The following TFDP1 variants were observed in gnomAD, a reference collection of about 807,000 sequenced individuals.
TFDP1 encodes transcription factor Dp-1, also known as DRTF1-polypeptide 1.
In TFDP1, 6 loss-of-function variants were observed where a neutral mutation model predicts 48.0. That is an observed-to-expected ratio of 0.13 (90% CI 0.07 to 0.25). The LOEUF (loss-of-function observed/expected upper bound fraction) is 0.25. TFDP1 is among the 10% of genes least tolerant of loss of function. TFDP1 has a pLI of 1.00. For missense variants in TFDP1, 335 were observed against 543.0 expected (o/e 0.62, Z 3.81); for synonymous variants, 201 against 211.6 (o/e 0.95, Z 0.44).
In TFDP1 at chr13:113,635,967, T is replaced by C. The variant is rs2140636298; in HGVS notation, c.688-10T>C. ...GCCACGGGCCACCTGGCTCCTCTTA[T>C]TTTTTTTAGCAAATTGCCTTCAAGA... On this transcript the variant is annotated splice_polypyrimidine_tract_variant and intron_variant, in intron 8 of 11. Coordinates refer to ENST00000375370, the MANE Select transcript of TFDP1 (RefSeq NM_007111.5). The C allele has an allele frequency of 1.9e-6, 3 of 1,604,408 alleles. No homozygotes were observed. Among genetic ancestry groups the C allele is most frequent in the Non-Finnish European group, 8.5e-7 (1 of 1,174,438 alleles).
Position 113,639,454 on chromosome 13 carries a change from G to C in TFDP1, c.1086-666G>C, listed in dbSNP as rs1410444522. 3.3e-5 allele frequency among the ~76,000 whole-genome samples: 5 copies of C among 152,346 alleles called. No homozygotes were observed. In the East Asian group the frequency reaches 7.7e-4, roughly 23 times the overall value. On this transcript the variant is annotated intron_variant, in intron 11 of 11. Transcript: ENST00000375370. ...GTTAGAATAAAAACTGCAGTGAGCAGCTTTACAGCTGAATTTCTCGCCATT... is the reference window on the plus strand; with the variant it reads ...GTTAGAATAAAAACTGCAGTGAGCACCTTTACAGCTGAATTTCTCGCCATT...
At chr13:113,595,865 A>G (rs4150700) in intron 2 of TFDP1, among the ~76,000 whole-genome samples, 210 of 152,250 alleles carry the variant, frequency 1.4e-3, no homozygotes, top group Non-Finnish European at 2.1e-3. Context: ...GGCGGATCAC[A>G]AGGTCAGGAT....
At position 113,598,620 on chromosome 13, in the gene TFDP1, T is replaced by C. The variant is rs2048339580; in HGVS notation, c.13-12376T>C. 6.6e-6 allele frequency among the ~76,000 whole-genome samples: 1 copy of C among 152,252 alleles called. No individual in the cohort carries two copies. The highest frequency in any genetic ancestry group is 2.4e-5 in the African/African-American group (1 of 41,478). ...TACCTCCTCGCTCTTCAGCTTCCCCTGCCTGATGGCTCCAGGCTGTCCCCT... is the reference window on the plus strand; with the variant it reads ...TACCTCCTCGCTCTTCAGCTTCCCCCGCCTGATGGCTCCAGGCTGTCCCCT... On this transcript the variant is annotated intron_variant, in intron 2 of 11. Coordinates refer to ENST00000375370, the MANE Select transcript of TFDP1 (RefSeq NM_007111.5). The surrounding 1 kb of genome is among the most constrained non-coding windows in gnomAD (Gnocchi z 4.2).
At position 113,640,505 on chromosome 13, in the gene TFDP1, TTG is replaced by T. The variant is rs2049617006; in HGVS notation, c.*242_*243del. The T allele has an allele frequency of 3.6e-6, 2 of 549,226 alleles. No homozygotes were observed. Among genetic ancestry groups the T allele is most frequent in the Non-Finnish European group, 5.6e-6 (2 of 359,544 alleles). The allele number at this position is 549,226 out of a possible 1,614,324, so 34.0% of individuals were successfully genotyped here. On this transcript the variant is annotated 3_prime_UTR_variant, in exon 12 of 12. Transcript: ENST00000375370. ...GAGCGTTTATTTACTTGTTAGGATT[TTG>T]TGTTTTCATTTGCTATTTTTCTTTA...
chr13:113,635,792 T>C (rs1049404740), intron 8 of TFDP1, among the ~76,000 whole-genome samples, 185 bp from the exon 9 acceptor site: 2 of 152,246 alleles, frequency 1.3e-5, no homozygotes, highest in Non-Finnish European at 2.9e-5. Context: ...CAGGATCCCG[T>C]TTCCTGAGCG....
intron 2 of TFDP1, among the ~76,000 whole-genome samples, chr13:113,604,342 A>G (rs2048513601): frequency 6.6e-6 from 1 of 152,148 alleles, no homozygotes; most frequent in African/African-American, 2.4e-5. Flanking sequence ...ATATCAACCC[A>G]TAAGAATGAC....
At position 113,634,005 on chromosome 13, in the gene TFDP1, A is replaced by G. The variant is rs752319853; in HGVS notation, c.590A>G (p.Asn197Ser). ...ATCAAGTGGATTGGTCTGCCCACCA[A>G]CTCGGCTCAGGAATGTCAGAACTTA... ...KEIKWIGLPT[N>S]SAQECQNLEV... is the part of the protein sequence containing the mutation. Residue 197 changes from asparagine (N) to serine (S), a missense_variant, in exon 7 of 12, where the codon AAC becomes AGC. By Grantham distance (46) the Asn-to-Ser change is conservative. Transcript: ENST00000375370. 16 of 1,613,924 alleles carry G rather than the reference A, an allele frequency of 9.9e-6. No homozygotes were observed. Among genetic ancestry groups the G allele is most frequent in the Admixed American group, 3.3e-5 (2 of 59,992 alleles).
chr13:113,634,249 G>A, intron 7 of TFDP1: 2 of 701,164 alleles, frequency 2.9e-6, no homozygotes, highest in Non-Finnish European at 2.5e-6. Context: ...TTAAACTCTA[G>A]TGTAGGTTAA....
chr13:113,634,101 C>A, intron 7 of TFDP1, 68 bp downstream of exon 7: 2 of 1,607,414 alleles, frequency 1.2e-6, no homozygotes, highest in South Asian at 2.2e-5. Context: ...AGTCGTCGGT[C>A]ACTCAGAAGG....
At chr13:113,620,985 T>A (rs189892966) in intron 3 of TFDP1, among the ~76,000 whole-genome samples, 1 of 152,372 alleles carries the variant, frequency 6.6e-6, no homozygotes, top group East Asian at 1.9e-4. Flanking sequence ...AGTGTCCTTA[T>A]GTAGCACAAA....
At chr13:113,587,475 G>C (rs1033501194) in intron 2 of TFDP1, among the ~76,000 whole-genome samples, 1 of 150,432 alleles carries the variant, frequency 6.6e-6, no homozygotes, top group African/African-American at 2.5e-5. Context: ...TGATGTTTTC[G>C]CTAGCTCTTT....
At chr13:113,626,281 C>T (rs1277931304) in intron 4 of TFDP1, among the ~76,000 whole-genome samples, 6 of 152,214 alleles carry the variant, frequency 3.9e-5, no homozygotes. Flanking sequence ...ATGTTTTCTT[C>T]AGAGAACATG....
chr13:113,613,227 A>G (rs1374408991), intron 3 of TFDP1, among the ~76,000 whole-genome samples: 5 of 152,252 alleles, frequency 3.3e-5, no homozygotes, highest in Admixed American at 2.0e-4. Context: ...TGTTGGTCAG[A>G]CTGGTTTCGA....
intron 2 of TFDP1, among the ~76,000 whole-genome samples, chr13:113,589,784 G>C (rs994580621): frequency 7.9e-5 from 12 of 152,228 alleles, no homozygotes; most frequent in Non-Finnish European, 1.8e-4. Flanking sequence ...AGCTGGGCTG[G>C]CAGGGCCCTT....
At chr13:113,605,800 C>T (rs761757102) in intron 2 of TFDP1, among the ~76,000 whole-genome samples, 3 of 152,172 alleles carry the variant, frequency 2.0e-5, no homozygotes, top group Admixed American at 6.5e-5. Context: ...GAAGGTGGCA[C>T]GGTGGTGAGT....
chr13:113,601,340 C>T lies in TFDP1; in HGVS notation c.13-9656C>T, dbSNP rs567271409. Among the ~76,000 whole-genome samples, 52 of 150,532 alleles carry T rather than the reference C, an allele frequency of 3.5e-4. 1 individual carries two copies. Among genetic ancestry groups the T allele is most frequent in the Middle Eastern group, 3.4e-3 (1 of 294 alleles). ...AGGACCACTTTCAAATTAACTCACC[C>T]GGCTGCTGGTGGGATCCCGCTCCTT... On this transcript the variant is annotated intron_variant, in intron 2 of 11. Transcript: ENST00000375370.
At chr13:113,622,234 T>C (rs1284467097) in intron 3 of TFDP1, among the ~76,000 whole-genome samples, 1 of 152,180 alleles carries the variant, frequency 6.6e-6, no homozygotes, top group East Asian at 1.9e-4. Context: ...GTGGTAGTGG[T>C]CCCCCGGGCC....
Position 113,633,059 on chromosome 13 carries a change from C to G in TFDP1, c.309-61C>G. On this transcript the variant is annotated intron_variant, in intron 5 of 11. Coordinates refer to ENST00000375370, the MANE Select transcript of TFDP1 (RefSeq NM_007111.5). This position sits in a 1 kb window ranked among gnomAD's most constrained non-coding sequence, Gnocchi z 4.5. ...AGAGCTCTCAGGTAAAAGCATTCCT[C>G]GATTCAGGCTGATCCTCAGGAGGGC... The G allele has an allele frequency of 6.3e-7, 1 of 1,599,346 alleles. No homozygotes were observed.
intron 2 of TFDP1, among the ~76,000 whole-genome samples, chr13:113,593,152 G>T (rs2048189512): frequency 7.3e-6 from 1 of 137,612 alleles, no homozygotes; most frequent in Non-Finnish European, 1.5e-5. Context: ...TGACAGGTGT[G>T]CTGTGTGTGG....
Sources: allele counts gnomAD v4.1 joint callset (sites outside exome capture counted in the v4.1 genomes callset), GRCh38; gene constraint gnomAD v4.1.1; non-coding constraint Gnocchi (gnomAD v3.1); transcripts MANE v1.5; gene names NCBI Gene and HGNC (gene_info 2026-07-23, HGNC 2026-07-21).